Variants in RELL1 observed in about 807,000 individuals in gnomAD.
RELL1 encodes RELT like 1.
RELL1 carries 10 observed loss-of-function variants against 23.0 expected under a neutral mutation model. The observed-to-expected ratio is 0.43, with a 90% CI of 0.27 to 0.74. The LOEUF is 0.74. Among genes scored for constraint, RELL1 ranks in the 30% least tolerant of loss-of-function variants. The pLI is 0.19. For synonymous variants in RELL1, 146 were observed against 146.8 expected (o/e 0.99, Z 0.04); for missense variants, 315 against 364.4 (o/e 0.86, Z 1.10).
chr4:37,667,788 A>G (rs1479927516), intron 1 of RELL1, among the ~76,000 whole-genome samples: 1 of 152,032 alleles, frequency 6.6e-6, no homozygotes, highest in African/African-American at 2.4e-5. Flanking sequence ...TGCCATTTGT[A>G]AGATACAAAA....
chr4:37,590,002 C>A, downstream of RELL1: 1 of 915,524 alleles, frequency 1.1e-6, no homozygotes, highest in Non-Finnish European at 1.7e-6. Context: ...ATTAAATTAG[C>A]AGGAATCGTA....
intron 1 of RELL1, among the ~76,000 whole-genome samples, chr4:37,664,748 G>C (rs540220865): frequency 8.5e-5 from 13 of 152,118 alleles, no homozygotes; most frequent in Middle Eastern, 3.4e-3. Context: ...ATCCCAAGAA[G>C]TTAGGTAATA....
intron 6 of RELL1, among the ~76,000 whole-genome samples, chr4:37,623,905 T>C (rs772378548): frequency 2.0e-5 from 3 of 152,176 alleles, no homozygotes; most frequent in Non-Finnish European, 4.4e-5. Context: ...ATGCATTTTT[T>C]CCTGAAAAAA....
At chr4:37,606,143 G>A (rs1719212825), downstream of RELL1, among the ~76,000 whole-genome samples, 1 of 143,520 alleles carries the variant, frequency 7.0e-6, no homozygotes, top group African/African-American at 2.6e-5. This position sits in a 1 kb window ranked among gnomAD's most constrained non-coding sequence, Gnocchi z 4.1. Context: ...AGGAAGGAAG[G>A]GAGAGAGAGA....
At chr4:37,652,116 A>G (rs1242557560) in intron 1 of RELL1, among the ~76,000 whole-genome samples, 1 of 152,222 alleles carries the variant, frequency 6.6e-6, no homozygotes, top group Non-Finnish European at 1.5e-5. Flanking sequence ...GTATGAAATG[A>G]GCACGGTTCA....
chr4:37,604,564 G>T (rs1719102567), intron 6 of RELL1, among the ~76,000 whole-genome samples: 1 of 151,534 alleles, frequency 6.6e-6, no homozygotes. Context: ...ACCACACAGA[G>T]TGAAGTTTGC....
At chr4:37,665,702 C>T (rs983487279) in intron 1 of RELL1, among the ~76,000 whole-genome samples, 1 of 152,192 alleles carries the variant, frequency 6.6e-6, no homozygotes, top group Non-Finnish European at 1.5e-5. Context: ...CACGCCATCT[C>T]AGCCTGTCTC....
chr4:37,645,802 G>A (rs1394930482), intron 3 of RELL1, among the ~76,000 whole-genome samples: 1 of 152,210 alleles, frequency 6.6e-6, no homozygotes, highest in Non-Finnish European at 1.5e-5. Flanking sequence ...TATGCCAAAA[G>A]CATAAAGCAC....
chr4:37,626,319 A>G (rs137867245), intron 6 of RELL1, among the ~76,000 whole-genome samples: 209 of 152,174 alleles, frequency 1.4e-3, no homozygotes, highest in African/African-American at 4.4e-3. Context: ...CTCTCCTAAA[A>G]ATACAAAAGT....
chr4:37,646,839 C>T (rs1428429101), intron 3 of RELL1, among the ~76,000 whole-genome samples: 1 of 152,054 alleles, frequency 6.6e-6, no homozygotes, highest in African/African-American at 2.4e-5. Flanking sequence ...GTGATCCTCC[C>T]ACGTCAGCCT....
intron 3 of RELL1, among the ~76,000 whole-genome samples, chr4:37,638,786 T>A (rs964086374): frequency 2.0e-5 from 3 of 152,150 alleles, no homozygotes; most frequent in Non-Finnish European, 4.4e-5. Context: ...AATAGCAATA[T>A]AAAGTAGAAG....
At chr4:37,674,200 T>C (rs1721938577) in intron 1 of RELL1, among the ~76,000 whole-genome samples, 1 of 152,212 alleles carries the variant, frequency 6.6e-6, no homozygotes, top group Non-Finnish European at 1.5e-5. Flanking sequence ...CTCCCCCTTC[T>C]CAATCACAAG....
At chr4:37,663,504 C>T (rs1217085243) in intron 1 of RELL1, among the ~76,000 whole-genome samples, 1 of 152,208 alleles carries the variant, frequency 6.6e-6, no homozygotes, top group African/African-American at 2.4e-5. Flanking sequence ...GAATGAGTTG[C>T]TACTTTAATT....
chr4:37,647,518 C>G, intron 2 of RELL1, 79 bp from the exon 3 acceptor site: 1 of 944,514 alleles, frequency 1.1e-6, no homozygotes, highest in South Asian at 1.3e-5. Flanking sequence ...AACCCAAGAC[C>G]TCACTGAACA....
chr4:37,629,616 G>C (rs1018864688), intron 6 of RELL1, among the ~76,000 whole-genome samples: 2 of 152,132 alleles, frequency 1.3e-5, no homozygotes, highest in African/African-American at 4.8e-5. Context: ...CTTTAAGAAG[G>C]CTCCTATTCT....
Position 37,649,481 on chromosome 4 carries a change from T to C in RELL1, c.108A>G (p.Thr36=), listed in dbSNP as rs1297134077. ...GGGTCGTCTCTGTTCTGGAGTGCAATGTGCGGCTGCTCCCATTGTCTACAG... is the reference window on the plus strand; with the variant it reads ...GGGTCGTCTCTGTTCTGGAGTGCAACGTGCGGCTGCTCCCATTGTCTACAG... ...LVAPDNGSSR[T]LHSRTETTPS... The change falls in exon 2 of 7, where the codon ACA becomes ACG. Residue 36 remains threonine (T), a synonymous_variant. Coordinates refer to ENST00000454158, the MANE Select transcript of RELL1 (RefSeq NM_001085400.2). The C allele has an allele frequency of 2.5e-6, 4 of 1,613,834 alleles. No homozygotes were observed. In the Admixed American group the frequency reaches 5.0e-5, roughly 20 times the overall value.
At position 37,611,871 on chromosome 4, in the gene RELL1, C is replaced by G. The variant is rs1193734635; in HGVS notation, c.*1475G>C. Among the ~76,000 whole-genome samples, 1 of 152,084 alleles carries G rather than the reference C, an allele frequency of 6.6e-6. No individual in the cohort carries two copies. The highest frequency in any genetic ancestry group is 1.5e-5 in the Non-Finnish European group (1 of 67,990). On this transcript the variant is annotated 3_prime_UTR_variant, in exon 7 of 7. Transcript: ENST00000454158. ...ATGCCAGAGGTAGGTGCAGGCCCAT[C>G]TTATATGAGAAGCAGGGTTCTAGGC...
At chr4:37,636,864 C>T (rs1455101238) in intron 4 of RELL1, among the ~76,000 whole-genome samples, 3 of 152,118 alleles carry the variant, frequency 2.0e-5, no homozygotes, top group Non-Finnish European at 4.4e-5. Flanking sequence ...TGGCCACCTA[C>T]ACACTTAAAA....
At chr4:37,598,127 C>T (rs1474131126) in intron 6 of RELL1, among the ~76,000 whole-genome samples, 1 of 130,582 alleles carries the variant, frequency 7.7e-6, no homozygotes, top group Non-Finnish European at 1.6e-5. Context: ...CTGCAAATAA[C>T]TGCATTAGTC....
Sources: gnomAD v4.1 joint callset for allele counts (sites outside exome capture counted in the v4.1 genomes callset) on GRCh38, gnomAD v4.1.1 for gene constraint, Gnocchi (gnomAD v3.1) non-coding constraint, MANE v1.5 for transcripts, NCBI Gene and HGNC (gene_info 2026-07-23, HGNC 2026-07-21) for gene names.